The following PALM2AKAP2 variants were observed in gnomAD, a reference collection of about 807,000 sequenced individuals.
PALM2AKAP2 encodes the protein PALM2-AKAP2 fusion protein.
Under a neutral mutation model 71.5 loss-of-function variants are expected in PALM2AKAP2, and 37 were observed. That is an observed-to-expected ratio of 0.52 (90% CI 0.40 to 0.68). The LOEUF (loss-of-function observed/expected upper bound fraction) is 0.68. PALM2AKAP2 is among the 30% of genes least tolerant of loss of function. The probability of loss-of-function intolerance (pLI) is 0.00; values close to 1 mark genes in which losing one functional copy is unlikely to be tolerated. For synonymous variants in PALM2AKAP2, 468 were observed against 478.8 expected (o/e 0.98, Z 0.29); for missense variants, 1,224 against 1,191.8 (o/e 1.03, Z -0.40).
In PALM2AKAP2 at chr9:109,969,088, G is replaced by GCACACACACACACACACACACACA. The variant is rs34057385; in HGVS notation, c.496+37062_496+37085dup. On this transcript the variant is annotated intron_variant, in intron 6 of 9. Coordinates refer to the PALM2AKAP2 transcript ENST00000302798. ...TTCCTGCACCTCTACAAATGTGCGT[G>GCACACACACACACACACACACACA]CACACACACACACACACACACACAC... Among the ~76,000 whole-genome samples, 274 of 149,696 alleles carry GCACACACACACACACACACACACA rather than the reference G, an allele frequency of 1.8e-3. 1 individual carries two copies. The highest frequency in any genetic ancestry group is 0.01 in the East Asian group (53 of 5,080).
At chr9:109,964,809 G>A (rs1831916142) in intron 6 of PALM2AKAP2, among the ~76,000 whole-genome samples, 1 of 152,198 alleles carries the variant, frequency 6.6e-6, no homozygotes, top group Non-Finnish European at 1.5e-5. Flanking sequence ...AGGCCATGGA[G>A]CTTCCCTTGG....
At chr9:109,645,838 C>A (rs1827143816) in intron 1 of PALM2AKAP2, among the ~76,000 whole-genome samples, 1 of 151,940 alleles carries the variant, frequency 6.6e-6, no homozygotes, top group South Asian at 2.1e-4. Flanking sequence ...CATTAGAAGC[C>A]CAGTCCCCAC....
chr9:109,696,816 T>G (rs542577457), intron 1 of PALM2AKAP2, among the ~76,000 whole-genome samples: 1 of 152,284 alleles, frequency 6.6e-6, no homozygotes, highest in South Asian at 2.1e-4. Flanking sequence ...CTTCCTCACC[T>G]GGAAGTAGCT....
intron 1 of PALM2AKAP2, among the ~76,000 whole-genome samples, chr9:110,078,369 C>T (rs545805584): frequency 7.2e-5 from 11 of 152,288 alleles, no homozygotes; most frequent in Non-Finnish European, 1.6e-4. Flanking sequence ...TCACTGTTTG[C>T]TGAATACAGG....
intron 1 of PALM2AKAP2, among the ~76,000 whole-genome samples, chr9:110,066,412 A>G (rs577524142): frequency 2.6e-5 from 4 of 152,332 alleles, no homozygotes; most frequent in South Asian, 4.1e-4. Context: ...AAATGTAAGT[A>G]AAAGATGGGC....
At chr9:109,928,250 C>G (rs7026739) in intron 5 of PALM2AKAP2, among the ~76,000 whole-genome samples, 42,673 of 152,034 alleles carry the variant, frequency 0.28, 6,797 homozygotes, top group East Asian at 0.69. Context: ...TTACAGGTAT[C>G]AGCCACCGCA....
In PALM2AKAP2 at chr9:110,064,049, C is replaced by T. The variant is rs115239371; in HGVS notation, c.156+15194C>T. Among the ~76,000 whole-genome samples, 839 of 152,226 alleles carry T rather than the reference C, an allele frequency of 5.5e-3. 7 individuals carry two copies. Among genetic ancestry groups the T allele is most frequent in the Middle Eastern group, 0.024 (7 of 294 alleles). On this transcript the variant is annotated intron_variant, in intron 1 of 3. Transcript: ENST00000374525. ...TTGCCAGTTCCCTTAGGAGCTTCCA[C>T]GGACCAAAGTGAAACACCCAGGGGT...
Position 109,938,958 on chromosome 9 carries a change from G to A in PALM2AKAP2, c.496+6930G>A, listed in dbSNP as rs1285067150. Among the ~76,000 whole-genome samples the A allele has an allele frequency of 4.6e-5, 7 of 152,234 alleles. No individual in the cohort carries two copies. The East Asian group carries it at 1.2e-3, about 25-fold the overall frequency. Reference sequence around the variant, plus strand: ...GCAGGAGAATCGCTTGAACCCGGGAGGCAGAGGTTGCAGTGAGACAAAGTC... The same window carrying A: ...GCAGGAGAATCGCTTGAACCCGGGAAGCAGAGGTTGCAGTGAGACAAAGTC... On this transcript the variant is annotated intron_variant, in intron 6 of 9. Coordinates refer to the PALM2AKAP2 transcript ENST00000302798.
intron 1 of PALM2AKAP2, among the ~76,000 whole-genome samples, chr9:110,073,440 C>G (rs543726778): frequency 2.4e-4 from 37 of 152,272 alleles, no homozygotes; most frequent in East Asian, 1.5e-3. Context: ...ACACTTGACA[C>G]TCTTTGGATC....
intron 7 of PALM2AKAP2, among the ~76,000 whole-genome samples, chr9:110,032,056 C>T (rs1321783300): frequency 7.2e-4 from 74 of 103,282 alleles, no homozygotes; most frequent in African/African-American, 2.4e-3. Flanking sequence ...GCTTAGCTTA[C>T]GGGGAAAAAA....
intron 6 of PALM2AKAP2, among the ~76,000 whole-genome samples, chr9:109,986,021 C>A (rs12685717): frequency 0.13 from 19,064 of 152,150 alleles, 1,546 homozygotes; most frequent in East Asian, 0.25. Context: ...ATTAAACTGG[C>A]TCCAACTGCT....
chr9:109,980,922 T>G (rs1832257336), intron 6 of PALM2AKAP2, among the ~76,000 whole-genome samples: 1 of 152,250 alleles, frequency 6.6e-6, no homozygotes, highest in African/African-American at 2.4e-5. Flanking sequence ...CTAAGCTCCT[T>G]GGTACCCAGT....
intron 3 of PALM2AKAP2, among the ~76,000 whole-genome samples, chr9:109,913,664 A>G (rs951290406): frequency 1.3e-5 from 2 of 151,960 alleles, no homozygotes; most frequent in Non-Finnish European, 2.9e-5. Flanking sequence ...ATTCAACAAT[A>G]TGTGGTAAGT....
chr9:109,979,791 A>C (rs1832236908), intron 6 of PALM2AKAP2, among the ~76,000 whole-genome samples: 1 of 152,202 alleles, frequency 6.6e-6, no homozygotes, highest in Non-Finnish European at 1.5e-5. Context: ...AATTAAGAGC[A>C]CCCTTAAATT....
intron 1 of PALM2AKAP2, among the ~76,000 whole-genome samples, chr9:109,791,964 C>T (rs2118875660): frequency 6.6e-6 from 1 of 152,286 alleles, no homozygotes; most frequent in East Asian, 1.9e-4. Flanking sequence ...CCCTCCCCCT[C>T]TACCCCCAGC....
chr9:109,816,296 T>G (rs548502620), intron 1 of PALM2AKAP2, among the ~76,000 whole-genome samples: 38 of 152,282 alleles, frequency 2.5e-4, no homozygotes, highest in Non-Finnish European at 5.3e-4. Context: ...GTTGAGGATA[T>G]AGGAAGACAG....
At chr9:110,130,558 C>T (rs1342125908) in intron 1 of PALM2AKAP2, among the ~76,000 whole-genome samples, 2 of 152,214 alleles carry the variant, frequency 1.3e-5, no homozygotes, top group African/African-American at 2.4e-5. Context: ...TTCTGGCACT[C>T]ATACAGACTT....
chr9:110,144,816 T>C (rs1479983598), intron 2 of PALM2AKAP2, among the ~76,000 whole-genome samples: 4 of 152,184 alleles, frequency 2.6e-5, no homozygotes, highest in African/African-American at 9.7e-5. Context: ...GATTTGGGAA[T>C]TATATATGAA....
At chr9:109,731,464 A>G (rs1220978437) in intron 1 of PALM2AKAP2, among the ~76,000 whole-genome samples, 1 of 152,142 alleles carries the variant, frequency 6.6e-6, no homozygotes, top group African/African-American at 2.4e-5. Flanking sequence ...CCCTAACACA[A>G]TCACCTTTTG....
Sources: gnomAD v4.1 joint callset for allele counts (sites outside exome capture counted in the v4.1 genomes callset) on GRCh38, gnomAD v4.1.1 for gene constraint, MANE v1.5 for transcripts, NCBI Gene and HGNC (gene_info 2026-07-23, HGNC 2026-07-21) for gene names.